The following DKK2 variants were observed in gnomAD, a reference collection of about 807,000 sequenced individuals.
DKK2 encodes the protein dickkopf-related protein 2.
Under a neutral mutation model 28.1 loss-of-function variants are expected in DKK2, and 11 were observed. That is an observed-to-expected ratio of 0.39 (90% CI 0.25 to 0.65). DKK2 has a LOEUF of 0.65. Ranked by LOEUF, DKK2 falls within the 30% of genes least tolerant of loss-of-function variation. The probability of loss-of-function intolerance (pLI) is 0.47; values close to 1 mark genes in which losing one functional copy is unlikely to be tolerated. For synonymous variants in DKK2, 135 were observed against 126.5 expected, an observed-to-expected ratio of 1.07 and a Z score of -0.45; for missense variants, 326 against 335.5, an observed-to-expected ratio of 0.97 and a Z score of 0.22.
At chr4:106,938,455 T>G (rs1291755896) in intron 1 of DKK2, among the ~76,000 whole-genome samples, 3 of 152,148 alleles carry the variant, frequency 2.0e-5, no homozygotes, top group African/African-American at 4.8e-5. Flanking sequence ...AATAACAGGA[T>G]CTGAAATTGT....
intron 1 of DKK2, among the ~76,000 whole-genome samples, chr4:106,996,951 C>A (rs1177136718): frequency 6.6e-6 from 1 of 152,076 alleles, no homozygotes; most frequent in African/African-American, 2.4e-5. Flanking sequence ...GCTCATGTAA[C>A]CCCCGAACCT....
chr4:107,019,134 G>A (rs763486104), intron 1 of DKK2, among the ~76,000 whole-genome samples: 16 of 151,984 alleles, frequency 1.1e-4, no homozygotes, highest in African/African-American at 2.9e-4. Context: ...TTACGGGCAC[G>A]GCTGTATAGA....
chr4:106,997,219 A>C (rs1249151260), intron 1 of DKK2, among the ~76,000 whole-genome samples: 2 of 152,208 alleles, frequency 1.3e-5, no homozygotes, highest in Non-Finnish European at 2.9e-5. Flanking sequence ...GTGAAGCAAC[A>C]TAAGAGCTCT....
chr4:107,009,810 T>G (rs1723490485), intron 1 of DKK2, among the ~76,000 whole-genome samples: 1 of 151,806 alleles, frequency 6.6e-6, no homozygotes. Flanking sequence ...GGCATTTTAT[T>G]ACGCAAAAAG....
chr4:107,007,241 TC>T (rs796328577), intron 1 of DKK2, among the ~76,000 whole-genome samples: 1 of 152,072 alleles, frequency 6.6e-6, no homozygotes, highest in East Asian at 1.9e-4. Flanking sequence ...AATTTTAATA[TC>T]CCCCTGAGTC....
intron 1 of DKK2, among the ~76,000 whole-genome samples, chr4:107,031,482 T>C (rs1446859605): frequency 1.3e-5 from 2 of 152,042 alleles, no homozygotes; most frequent in Non-Finnish European, 2.9e-5. Context: ...TCTCTTTCAA[T>C]GAATTTCAAG....
At chr4:107,026,695 G>A (rs1043347401) in intron 1 of DKK2, among the ~76,000 whole-genome samples, 2 of 151,670 alleles carry the variant, frequency 1.3e-5, no homozygotes, top group South Asian at 2.1e-4. Context: ...TTTAATTAAT[G>A]TACAGGCTTT....
At chr4:106,983,368 G>GA (rs35298593) in intron 1 of DKK2, among the ~76,000 whole-genome samples, 5,983 of 92,666 alleles carry the variant, frequency 0.065, 181 homozygotes, top group Admixed American at 0.1. Context: ...AAGAAAGAAA[G>GA]AAGAAAGAAA....
chr4:106,942,745 A>C (rs1724718632), intron 1 of DKK2, among the ~76,000 whole-genome samples: 1 of 152,140 alleles, frequency 6.6e-6, no homozygotes, highest in South Asian at 2.1e-4. Flanking sequence ...TGCTAGGGTC[A>C]GTCTGTAATC....
intron 1 of DKK2, among the ~76,000 whole-genome samples, chr4:107,033,783 T>A (rs972126233): frequency 6.6e-6 from 1 of 152,138 alleles, no homozygotes; most frequent in African/African-American, 2.4e-5. Flanking sequence ...AGAGCACCCA[T>A]TCTTTCTAAT....
intron 1 of DKK2, among the ~76,000 whole-genome samples, chr4:107,005,361 A>AAAAAAAC (rs1560590317): frequency 6.7e-6 from 1 of 149,140 alleles, no homozygotes; most frequent in Non-Finnish European, 1.5e-5. Context: ...AAAAAAAAAA[A>AAAAAAAC]CAAAAACAAA....
intron 1 of DKK2, among the ~76,000 whole-genome samples, chr4:106,984,351 G>T (rs2866908): frequency 6.6e-6 from 1 of 151,910 alleles, no homozygotes; most frequent in South Asian, 2.1e-4. Flanking sequence ...CTAACTTCCC[G>T]TTTCCTCTCC....
At chr4:106,996,762 T>C (rs1027108309) in intron 1 of DKK2, among the ~76,000 whole-genome samples, 1 of 152,342 alleles carries the variant, frequency 6.6e-6, no homozygotes, top group African/African-American at 2.4e-5. Context: ...CTGAAAAACG[T>C]CTGCCTGACA....
At position 107,035,512 on chromosome 4, in the gene DKK2, T is replaced by G; in HGVS notation, c.80A>C (p.Gln27Pro). 4 of 1,614,166 alleles carry G rather than the reference T, an allele frequency of 2.5e-6. No individual in the cohort carries two copies. Among genetic ancestry groups the G allele is most frequent in the Non-Finnish European group, 1.7e-6 (2 of 1,180,024 alleles). Reference protein sequence around the residue: ...LAAVLMVESSQIGSSRAKLNS... With the variant: ...LAAVLMVESSPIGSSRAKLNS... ...GAGTTTGGCCCGCGAACTGCCGATC[T>G]GTGAGCTCTCCACCATCAGCACCGC... is the stretch of plus-strand genomic sequence containing the variant. Residue 27 changes from glutamine to proline, a missense_variant, in exon 1 of 4, where the codon CAG becomes CCG. Coordinates refer to ENST00000285311, the MANE Select transcript of DKK2 (RefSeq NM_014421.3).
rs181134590 is a variant in DKK2, at chr4:106,963,278, T to C, written c.223-37329A>G. Among the ~76,000 whole-genome samples the C allele has an allele frequency of 9.0e-4, 133 of 147,660 alleles. 3 individuals carry two copies. In the East Asian group the frequency reaches 0.026, roughly 29 times the overall value. On this transcript the variant is annotated intron_variant, in intron 1 of 3. Coordinates refer to ENST00000285311, the MANE Select transcript of DKK2 (RefSeq NM_014421.3). Reference sequence around the variant, plus strand: ...TGAGGCAGGAGAATCGCTTGAACCCTGGAGACGGAGGTTTCAGTGAGCCAA... The same window carrying C: ...TGAGGCAGGAGAATCGCTTGAACCCCGGAGACGGAGGTTTCAGTGAGCCAA...
At chr4:106,956,764 A>C (rs188181522) in intron 1 of DKK2, among the ~76,000 whole-genome samples, 3,792 of 151,968 alleles carry the variant, frequency 0.025, 60 homozygotes, top group Non-Finnish European at 0.037. Context: ...AGATGGATTA[A>C]AGACTTAAAC....
At chr4:106,994,733 G>A (rs1578371674) in intron 1 of DKK2, among the ~76,000 whole-genome samples, 2 of 152,116 alleles carry the variant, frequency 1.3e-5, no homozygotes, top group East Asian at 3.9e-4. Flanking sequence ...CCCAATTAAT[G>A]CTTTAATGGC....
rs936075918 is a variant in DKK2 at position 107,008,910 on chromosome 4, G to T, written c.222+26460C>A. On this transcript the variant is annotated intron_variant, in intron 1 of 3. Transcript: ENST00000285311. Reference sequence around the variant, plus strand: ...CAAGGTCAGGCAGAAATATGACATAGAAACGTAATCAAAACTAGATTATCT... The same window carrying T: ...CAAGGTCAGGCAGAAATATGACATATAAACGTAATCAAAACTAGATTATCT... Among the ~76,000 whole-genome samples the T allele has an allele frequency of 5.9e-5, 9 of 152,054 alleles. 1 individual carries two copies. The highest frequency in any genetic ancestry group is 5.9e-4 in the Admixed American group (9 of 15,256).
chr4:106,988,037 T>C (rs962925108), intron 1 of DKK2, among the ~76,000 whole-genome samples: 3 of 152,146 alleles, frequency 2.0e-5, no homozygotes, highest in African/African-American at 7.2e-5. Context: ...GCTAATTTTT[T>C]ATATTTTTAA....
Sources: allele counts gnomAD v4.1 joint callset (sites outside exome capture counted in the v4.1 genomes callset), GRCh38; gene constraint gnomAD v4.1.1; transcripts MANE v1.5; gene names NCBI Gene and HGNC (gene_info 2026-07-23, HGNC 2026-07-21).